GSDMA: variants seen among roughly 807,000 people sequenced by gnomAD.
GSDMA encodes the protein gasdermin-A.
A neutral mutation model predicts 54.3 loss-of-function variants in GSDMA; 55 were observed. That is an observed-to-expected ratio of 1.01 (90% confidence interval 0.82 to 1.27). The LOEUF is 1.27. Ranked by LOEUF, GSDMA falls within the 50% of genes most tolerant of loss-of-function variation. The pLI is 0.00. For synonymous variants in GSDMA, 211 were observed against 224.7 expected (o/e 0.94, Z 0.54); for missense variants, 542 against 542.6 (o/e 1.00, Z 0.01).
Position 39,966,431 on chromosome 17 carries a change from A to C in GSDMA, c.386A>C (p.Gln129Pro), listed in dbSNP as rs1472889882. 20 of 1,602,132 alleles carry C rather than the reference A, an allele frequency of 1.2e-5. No individual in the cohort carries two copies. Among genetic ancestry groups the C allele is most frequent in the Non-Finnish European group, 1.7e-5 (20 of 1,175,438 alleles). The change falls in exon 3 of 12, where the codon CAG (glutamine) becomes CCG (proline). Residue 129 changes from glutamine to proline, a missense_variant. By Grantham distance (76) the Gln-to-Pro change is moderately conservative. Transcript: ENST00000301659. ...SVAPKALETV[Q>P]ERKLAADHPF... ...GCTCCCAAGGCCCTGGAGACCGTGC[A>C]GGAGAGGTGAGAGTGGGCGGGACTG...
chr17:39,973,961 T>G, intron 8 of GSDMA, 131 bp downstream of exon 8: 1 of 921,310 alleles, frequency 1.1e-6, no homozygotes, highest in Non-Finnish European at 1.7e-6. Context: ...TTTCTCCACT[T>G]TTTGCTGGAG....
Position 39,977,184 on chromosome 17 carries a change from A to G in GSDMA, c.*126A>G. 1 of 1,181,150 alleles carries G rather than the reference A, an allele frequency of 8.5e-7. No individual in the cohort carries two copies. The allele number at this position is 1,181,150 out of a possible 1,614,324, so 73.2% of individuals were successfully genotyped here. A position where few individuals can be genotyped will look rare whatever the true frequency, so the allele number is the denominator to read the frequency against. ...CATCTGAAATCTCAGCTGGTCACCCATGATAACCAACTTCCACCTGCCCAA... is the reference window on the plus strand; with the variant it reads ...CATCTGAAATCTCAGCTGGTCACCCGTGATAACCAACTTCCACCTGCCCAA... On this transcript the variant is annotated 3_prime_UTR_variant, in exon 12 of 12. Coordinates refer to ENST00000301659, the MANE Select transcript of GSDMA (RefSeq NM_178171.5).
intron 3 of GSDMA, among the ~76,000 whole-genome samples, chr17:39,970,140 G>A (rs1011642621): frequency 5.3e-5 from 8 of 151,924 alleles, no homozygotes; most frequent in Admixed American, 2.0e-4. Flanking sequence ...GGAGGAAAGA[G>A]GGGGGGAGCA....
At position 39,972,611 on chromosome 17, in the gene GSDMA, T is replaced by C; in HGVS notation, c.728T>C (p.Ile243Thr). ...PGEKSGEEKVILIQASDVGDV... is the reference protein window; with the variant it reads ...PGEKSGEEKVTLIQASDVGDV... Reference sequence around the variant, plus strand: ...GAAAAGTCAGGAGAGGAGAAGGTCATCCGTAAGTGTTTCCTTTCATTCCAC... The same window carrying C: ...GAAAAGTCAGGAGAGGAGAAGGTCACCCGTAAGTGTTTCCTTTCATTCCAC... Residue 243 changes from isoleucine (I) to threonine (T), a missense_variant and splice_region_variant, in exon 7 of 12, where the codon ATC becomes ACC. By Grantham distance (89) the Ile-to-Thr change is moderately conservative. Coordinates refer to ENST00000301659, the MANE Select transcript of GSDMA (RefSeq NM_178171.5). 6.2e-7 allele frequency: 1 copy of C among 1,612,310 alleles called. No homozygotes were observed. Among genetic ancestry groups the C allele is most frequent in the South Asian group, 1.1e-5 (1 of 90,628 alleles).
rs755339257 is a variant in GSDMA, at chr17:39,974,288, G to C, written c.767G>C (p.Gly256Ala). ...GTCCCCATAGGGGACGTACACGAAG[G>C]CTTCAGGACACTAAAAGAAGAAGTT... ...QASDVGDVHE[G>A]FRTLKEEVQR... is the part of the protein sequence containing the mutation. Residue 256 changes from glycine (G) to alanine (A), a missense_variant, in exon 9 of 12, where the codon GGC (glycine) becomes GCC (alanine). Coordinates refer to ENST00000301659, the MANE Select transcript of GSDMA (RefSeq NM_178171.5). 2 of 1,610,850 alleles carry C rather than the reference G, an allele frequency of 1.2e-6. No individual in the cohort carries two copies. The highest frequency in any genetic ancestry group is 1.7e-6 in the Non-Finnish European group (2 of 1,178,762).
Position 39,966,142 on chromosome 17 carries a change from G to A in GSDMA, c.215-118G>A, listed in dbSNP as rs550508968. The A allele has an allele frequency of 1.6e-5, 18 of 1,106,746 alleles. 1 individual carries two copies. In the South Asian group the frequency reaches 1.6e-4, roughly 10 times the overall value. 68.6% of individuals were successfully genotyped at this position (1,106,746 alleles called of 1,614,324 possible). ...GGTTCTTGCTTTGTTGCCCAGGCTG[G>A]TTTCAAACTCCTGGGCTCAAGCAAT... On this transcript the variant is annotated intron_variant, in intron 2 of 11. Transcript: ENST00000301659.
intron 1 of GSDMA, among the ~76,000 whole-genome samples, chr17:39,965,084 C>T (rs965494823): frequency 4.6e-5 from 7 of 151,724 alleles, no homozygotes; most frequent in Non-Finnish European, 1.0e-4. Context: ...CACGCCACTG[C>T]ACTCCAACCT....
At chr17:39,963,232 T>C (rs1361173242) in intron 1 of GSDMA, 147 bp downstream of exon 1, 1 of 152,194 alleles carries the variant, frequency 6.6e-6, no homozygotes, top group Non-Finnish European at 1.5e-5. Context: ...GGCAGGCCTG[T>C]GGACATCTCT....
At chr17:39,972,232 C>T in intron 6 of GSDMA, 56 bp downstream of exon 6, 2 of 1,202,790 alleles carry the variant, frequency 1.7e-6, no homozygotes, top group Admixed American at 1.9e-5. Flanking sequence ...CTGACATTAT[C>T]TGCCAAAATC....
At chr17:39,965,947 G>GGACAGA (rs1979640190) in intron 2 of GSDMA, 46 bp downstream of exon 2, 13 of 1,517,614 alleles carry the variant, frequency 8.6e-6, no homozygotes, top group African/African-American at 1.4e-5. Flanking sequence ...TGAGGGACAG[G>GGACAGA]GGCTGGGCAC....
chr17:39,970,598 A>G lies in GSDMA; in HGVS notation c.509A>G (p.Lys170Arg). 6.3e-7 allele frequency: 1 copy of G among 1,598,260 alleles called. No individual in the cohort carries two copies. The highest frequency in any genetic ancestry group is 1.1e-5 in the South Asian group (1 of 88,868). The change falls in exon 4 of 12, where the codon AAG becomes AGG. Residue 170 changes from lysine (K) to arginine (R), a missense_variant. Lys to Arg is a conservative substitution (Grantham distance 26, BLOSUM62 2). Coordinates refer to ENST00000301659, the MANE Select transcript of GSDMA (RefSeq NM_178171.5). ...GAGGTCACACTGGAGCGAGCCGGCAAGGCAGAGGCCTGCTTCTCCCTCCCC... is the reference window on the plus strand; with the variant it reads ...GAGGTCACACTGGAGCGAGCCGGCAGGGCAGAGGCCTGCTTCTCCCTCCCC... ...VQEVTLERAG[K>R]AEACFSLPFF...
At chr17:39,966,065 C>A (rs1437751161) in intron 2 of GSDMA, among the ~76,000 whole-genome samples, 164 bp downstream of exon 2, 1 of 152,146 alleles carries the variant, frequency 6.6e-6, no homozygotes, top group Non-Finnish European at 1.5e-5. Flanking sequence ...CGGGGGGATA[C>A]CTCTCAGCTC....
Position 39,977,191 on chromosome 17 carries a change from C to A in GSDMA, c.*133C>A, listed in dbSNP as rs1980238730. On this transcript the variant is annotated 3_prime_UTR_variant, in exon 12 of 12. Coordinates refer to ENST00000301659, the MANE Select transcript of GSDMA (RefSeq NM_178171.5). ...AATCTCAGCTGGTCACCCATGATAA[C>A]CAACTTCCACCTGCCCAACCATATA... The A allele has an allele frequency of 4.8e-6, 5 of 1,035,908 alleles. No individual in the cohort carries two copies. In the Admixed American group the frequency reaches 1.1e-4, roughly 23 times the overall value. The allele number at this position is 1,035,908 out of a possible 1,614,324, so 64.2% of individuals were successfully genotyped here. A position where few individuals can be genotyped will look rare whatever the true frequency, so the allele number is the denominator to read the frequency against.
Position 39,972,181 on chromosome 17 carries a change from G to C in GSDMA, c.703+5G>C, listed in dbSNP as rs1045751814. ...TGCAAACCTTCCCTCCTGGAGGTAAGTGAAATTGCTTACGGGCTTCCCACA... is the reference window on the plus strand; with the variant it reads ...TGCAAACCTTCCCTCCTGGAGGTAACTGAAATTGCTTACGGGCTTCCCACA... On this transcript the variant is annotated splice_donor_5th_base_variant and intron_variant, in intron 6 of 11. Transcript: ENST00000301659. 2.6e-6 allele frequency: 4 copies of C among 1,565,128 alleles called. No homozygotes were observed. The highest frequency in any genetic ancestry group is 2.4e-5 in the East Asian group (1 of 42,040).
chr17:39,972,999 T>G (rs2144794614), intron 7 of GSDMA, among the ~76,000 whole-genome samples: 1 of 152,170 alleles, frequency 6.6e-6, no homozygotes, highest in Middle Eastern at 3.4e-3. Flanking sequence ...TGGATGGAGT[T>G]TCACTCTTGT....
At chr17:39,965,618 T>C (rs1979609617) in intron 1 of GSDMA, 65 bp from the exon 2 acceptor site, 1 of 1,230,042 alleles carries the variant, frequency 8.1e-7, no homozygotes, top group South Asian at 1.3e-5. Context: ...GCCCAGCCTA[T>C]ATCCCGGGCT....
At chr17:39,966,649 G>A (rs1384847152) in intron 3 of GSDMA, among the ~76,000 whole-genome samples, 1 of 152,154 alleles carries the variant, frequency 6.6e-6, no homozygotes, top group Non-Finnish European at 1.5e-5. Flanking sequence ...ACCGTCTCCA[G>A]GACCACCTCC....
intron 1 of GSDMA, among the ~76,000 whole-genome samples, chr17:39,964,882 T>G (rs549674998): frequency 1.3e-5 from 2 of 151,744 alleles, no homozygotes; most frequent in African/African-American, 4.8e-5. Flanking sequence ...ATCCCAGCAC[T>G]TCGGGAGGCT....
intron 1 of GSDMA, among the ~76,000 whole-genome samples, chr17:39,963,638 G>T (rs1463518284): frequency 6.6e-6 from 1 of 152,192 alleles, no homozygotes; most frequent in Non-Finnish European, 1.5e-5. Context: ...CGGATCACCT[G>T]AGGTCAGGAG....
Sources: gnomAD v4.1 joint callset for allele counts (sites outside exome capture counted in the v4.1 genomes callset) on GRCh38, gnomAD v4.1.1 for gene constraint, MANE v1.5 for transcripts, NCBI Gene and HGNC (gene_info 2026-07-23, HGNC 2026-07-21) for gene names.